The following MAPT variants were observed in gnomAD, a reference collection of about 807,000 sequenced individuals.
MAPT encodes microtubule-associated protein tau.
In MAPT, 34 loss-of-function variants were observed where a neutral mutation model predicts 67.9. The ratio of observed to expected loss-of-function variants is 0.50; its 90% CI spans 0.38 to 0.67. The LOEUF (loss-of-function observed/expected upper bound fraction) is 0.67, where lower values mean the gene tolerates loss of function less well. Ranked by LOEUF, MAPT falls within the 30% of genes least tolerant of loss-of-function variation. MAPT has a pLI of 0.00. For synonymous variants in MAPT, 456 were observed against 464.5 expected (o/e 0.98, Z 0.23); for missense variants, 881 against 1,115.2 (o/e 0.79, Z 2.99).
chr17:45,924,546 G>A (rs556305844), intron 1 of MAPT, among the ~76,000 whole-genome samples: 57 of 152,322 alleles, frequency 3.7e-4, no homozygotes, highest in African/African-American at 1.3e-3. Context: ...CTCCCCTGGG[G>A]TGCCTGTGAT....
At chr17:45,951,370 A>T (rs1236404118) in intron 1 of MAPT, among the ~76,000 whole-genome samples, 1 of 152,228 alleles carries the variant, frequency 6.6e-6, no homozygotes, top group Non-Finnish European at 1.5e-5. Flanking sequence ...TTTTAAGTCA[A>T]TCAAAAACAG....
chr17:45,983,996 T>C, intron 5 of MAPT, 66 bp downstream of exon 5: 4 of 1,381,614 alleles, frequency 2.9e-6, no homozygotes, highest in Non-Finnish European at 3.9e-6. Context: ...CTGCGGGCAC[T>C]GCCACTGAGC....
chr17:45,986,477 C>T (rs913905046), intron 5 of MAPT, among the ~76,000 whole-genome samples: 1 of 152,206 alleles, frequency 6.6e-6, no homozygotes, highest in Non-Finnish European at 1.5e-5. Context: ...TGGTTCCAGG[C>T]AGTTTCCAAG....
intron 1 of MAPT, among the ~76,000 whole-genome samples, chr17:45,911,810 T>G (rs2064819154): frequency 6.6e-6 from 1 of 152,148 alleles, no homozygotes; most frequent in Admixed American, 6.5e-5. Flanking sequence ...TAAAGAGACT[T>G]GAGAACAGAA....
rs150660024 is a variant in MAPT at position 45,996,704 on chromosome 17, C to T, written c.1998+40C>T. 11,893 of 1,608,102 alleles carry T rather than the reference C, an allele frequency of 7.4e-3. 49 individuals carry two copies. Among genetic ancestry groups the T allele is most frequent in the Middle Eastern group, 0.024 (142 of 6,042 alleles). ...CTGCGCGTGGAGGTGTGGGGGGCTG[C>T]GCCTGGAGGGGTAGGGCTGTGCCTG... On this transcript the variant is annotated intron_variant, in intron 9 of 12. Transcript: ENST00000262410. This position sits in a 1 kb window ranked among gnomAD's most constrained non-coding sequence, Gnocchi z 4.5.
At chr17:45,931,521 G>A (rs552499558) in intron 1 of MAPT, among the ~76,000 whole-genome samples, 3 of 152,224 alleles carry the variant, frequency 2.0e-5, no homozygotes, top group African/African-American at 4.8e-5. Context: ...TCATTGCTTG[G>A]TTACTAAGTG....
At chr17:45,942,595 C>T (rs909026204) in intron 1 of MAPT, among the ~76,000 whole-genome samples, 4 of 152,186 alleles carry the variant, frequency 2.6e-5, no homozygotes, top group East Asian at 1.9e-4. Context: ...CAAATTCAGA[C>T]GGGAGCTGGG....
At chr17:45,908,930 T>C (rs935981714) in intron 1 of MAPT, among the ~76,000 whole-genome samples, 6 of 152,176 alleles carry the variant, frequency 3.9e-5, no homozygotes, top group Non-Finnish European at 8.8e-5. Flanking sequence ...CTATAAATTG[T>C]ATTAAGGGTG....
At chr17:46,006,644 G>C (rs1389440054) in intron 9 of MAPT, among the ~76,000 whole-genome samples, 2 of 152,188 alleles carry the variant, frequency 1.3e-5, no homozygotes, top group Non-Finnish European at 2.9e-5. Flanking sequence ...GCTGGGCATG[G>C]TGGCTCACGC....
chr17:45,913,454 G>A lies in MAPT; in HGVS notation c.-18+18768G>A, dbSNP rs192606466. On this transcript the variant is annotated intron_variant, in intron 1 of 12. Coordinates refer to ENST00000262410, the MANE Select transcript of MAPT (RefSeq NM_001377265.1). ...TTCCAGATAAATCACGTGAAATATC[G>A]CCATTAACAGAGTGAGCTCAGGTGG... Among the ~76,000 whole-genome samples the A allele has an allele frequency of 5.9e-5, 9 of 152,204 alleles. No homozygotes were observed. The East Asian group carries it at 1.5e-3, about 26-fold the overall frequency.
rs763910082 is a variant in MAPT at position 45,946,598 on chromosome 17, TAA to T, written c.-17-15706_-17-15705del. Among the ~76,000 whole-genome samples, 49 of 60,888 alleles carry T rather than the reference TAA, an allele frequency of 8.0e-4. 1 individual carries two copies. Among genetic ancestry groups the T allele is most frequent in the African/African-American group, 3.7e-3 (47 of 12,632 alleles). The allele number at this position is 60,888 out of a possible 152,430, so 39.9% of individuals were successfully genotyped here. On this transcript the variant is annotated intron_variant, in intron 1 of 12. Transcript: ENST00000262410. The stretch of plus-strand genomic sequence containing the variant: ...TGGGCGACCGAGGGGGACTCTGTCT[TAA>T]AAAAAAAAAAAAAAAATATATATAT...
chr17:45,937,113 C>G (rs547639843), intron 1 of MAPT, among the ~76,000 whole-genome samples: 11 of 152,284 alleles, frequency 7.2e-5, no homozygotes, highest in Non-Finnish European at 1.6e-4. Flanking sequence ...GAGTCTGACT[C>G]CCCTCCAGCA....
At chr17:46,015,724 TTGTTTGTAACACAAAGGACAAA>T (rs2076135590) in intron 11 of MAPT, among the ~76,000 whole-genome samples, 1 of 152,048 alleles carries the variant, frequency 6.6e-6, no homozygotes, top group Non-Finnish European at 1.5e-5. Context: ...TATAAATGGA[TTGTTTGTAACACAAAGGACAAA>T]TGTTTGAGGG....
rs1279617680 is a variant in MAPT, at chr17:45,983,458, G to A, written c.879G>A (p.Val293=). 1.2e-6 allele frequency: 2 copies of A among 1,607,442 alleles called. No homozygotes were observed. The highest frequency in any genetic ancestry group is 4.5e-5 in the East Asian group (2 of 44,740). Residue 293 remains valine, a synonymous_variant, in exon 5 of 13, where the codon GTG becomes GTA. Coordinates refer to ENST00000262410, the MANE Select transcript of MAPT (RefSeq NM_001377265.1). ...GKERPGSKEE[V]DEDRDVDESS... ...AGAGGCCGGGGAGCAAGGAGGAGGT[G>A]GATGAAGACCGCGACGTCGATGAGT...
At position 45,987,075 on chromosome 17, in the gene MAPT, A is replaced by C. The variant is rs2073623731; in HGVS notation, c.1387A>C (p.Ser463Arg). 1 of 1,613,944 alleles carries C rather than the reference A, an allele frequency of 6.2e-7. No homozygotes were observed. Among genetic ancestry groups the C allele is most frequent in the Non-Finnish European group, 8.5e-7 (1 of 1,179,960 alleles). ...CAGTAAAAGCAAAGACGGGACTGGA[A>C]GCGATGACAAAAAAGCCAAGGTAAG... Reference protein sequence around the residue: ...MVSKSKDGTGSDDKKAKTSTR... With the variant: ...MVSKSKDGTGRDDKKAKTSTR... The change falls in exon 6 of 13, where the codon AGC (serine) becomes CGC (arginine). Residue 463 changes from serine to arginine, a missense_variant. Ser to Arg is a moderately radical substitution (Grantham distance 110, BLOSUM62 -1). Around this residue, in one of 6 missense-constraint regions of MAPT, gnomAD observed 687 missense variants for 766.1 expected, o/e 0.90. Coordinates refer to ENST00000262410, the MANE Select transcript of MAPT (RefSeq NM_001377265.1).
At chr17:45,907,757 G>C (rs2064424404) in intron 1 of MAPT, 1 of 152,208 alleles carries the variant, frequency 6.6e-6, no homozygotes. Context: ...AATGAGTTTT[G>C]CTATACGAAG....
intron 1 of MAPT, among the ~76,000 whole-genome samples, chr17:45,914,449 G>A (rs933394003): frequency 1.3e-5 from 2 of 152,210 alleles, no homozygotes; most frequent in Admixed American, 6.5e-5. Flanking sequence ...GGAATGGAGC[G>A]GTCCGTCTGC....
intron 8 of MAPT, chr17:45,994,033 A>G (rs1169283473): frequency 1.3e-6 from 2 of 1,502,046 alleles, no homozygotes; most frequent in African/African-American, 2.8e-5. Context: ...GTGGCCATTC[A>G]CTGGCTTGTG....
At chr17:46,000,249 A>G (rs972532525) in intron 9 of MAPT, among the ~76,000 whole-genome samples, 15 of 152,330 alleles carry the variant, frequency 9.8e-5, no homozygotes, top group Admixed American at 2.0e-4. Flanking sequence ...TCATTGGGGG[A>G]AAAACGGAAA....
Sources: gnomAD v4.1 joint callset for allele counts (sites outside exome capture counted in the v4.1 genomes callset) on GRCh38, gnomAD v4.1.1 for gene constraint, gnomAD v4.1.1 regional missense constraint, Gnocchi (gnomAD v3.1) non-coding constraint, MANE v1.5 for transcripts, NCBI Gene and HGNC (gene_info 2026-07-23, HGNC 2026-07-21) for gene names.